Variants in MYT1L observed in about 807,000 individuals in gnomAD.
MYT1L encodes myelin transcription factor 1 like, also known as myelin transcription factor 1-like protein.
Under a neutral mutation model 126.7 loss-of-function variants are expected in MYT1L, and 12 were observed. The observed-to-expected ratio is 0.09, with a 90% CI of 0.06 to 0.15. The LOEUF (loss-of-function observed/expected upper bound fraction) is 0.15, where lower values mean the gene tolerates loss of function less well. Among genes scored for constraint, MYT1L ranks in the 10% least tolerant of loss-of-function variants. The pLI, the probability that MYT1L is intolerant of heterozygous loss-of-function variation, is 1.00. For missense variants in MYT1L, 979 were observed against 1,585.2 expected, an observed-to-expected ratio of 0.62 and a Z score of 6.49; for synonymous variants, 541 against 604.2, an observed-to-expected ratio of 0.90 and a Z score of 1.53.
At chr2:2,041,375 G>A (rs951768226) in intron 4 of MYT1L, among the ~76,000 whole-genome samples, 7 of 152,176 alleles carry the variant, frequency 4.6e-5, no homozygotes, top group Non-Finnish European at 8.8e-5. Context: ...GGAAGCTACT[G>A]GGGGAGAGAG....
intron 2 of MYT1L, among the ~76,000 whole-genome samples, chr2:2,222,507 A>C (rs11694233): frequency 2.0e-5 from 3 of 149,308 alleles, no homozygotes; most frequent in African/African-American, 7.4e-5. Context: ...AAAAAAAAAA[A>C]TTTTTTTTTG....
Position 1,922,240 on chromosome 2 carries a change from T to C in MYT1L, c.1483+46A>G. 6.3e-7 allele frequency: 1 copy of C among 1,592,284 alleles called. No individual in the cohort carries two copies. Among genetic ancestry groups the C allele is most frequent in the South Asian group, 1.2e-5 (1 of 86,504 alleles). ...AGACTACCACCAACATCCTTTACCC[T>C]AGCTCATGTTTTCATGAGGCAACTT... On this transcript the variant is annotated intron_variant, in intron 10 of 24. Transcript: ENST00000647738. This position sits in a 1 kb window ranked among gnomAD's most constrained non-coding sequence, Gnocchi z 7.4.
chr2:1,868,656 CT>C (rs926921625), intron 18 of MYT1L, among the ~76,000 whole-genome samples: 7 of 152,224 alleles, frequency 4.6e-5, no homozygotes, highest in African/African-American at 1.7e-4. Context: ...ATTCCTCAGG[CT>C]GCCTTCTCTG....
intron 2 of MYT1L, among the ~76,000 whole-genome samples, chr2:2,232,409 G>GT (rs2149070669): frequency 6.6e-6 from 1 of 152,336 alleles, no homozygotes; most frequent in South Asian, 2.1e-4. Flanking sequence ...GCTTTACTTT[G>GT]TAAGTCAGCA....
chr2:2,319,317 A>T (rs2096121127), intron 1 of MYT1L: 1 of 152,234 alleles, frequency 6.6e-6, no homozygotes, highest in Non-Finnish European at 1.5e-5. Flanking sequence ...ACTGCAGAAC[A>T]GACCCCTGAC....
rs191578832 is a variant in MYT1L, at chr2:1,849,244, C to T, written c.2774+2397G>A. Among the ~76,000 whole-genome samples, 348 of 152,072 alleles carry T rather than the reference C, an allele frequency of 2.3e-3. 2 individuals carry two copies. Among genetic ancestry groups the T allele is most frequent in the African/African-American group, 7.4e-3 (306 of 41,464 alleles). Reference sequence around the variant, plus strand: ...ACGGGGTGCTGACATTACGCCATGCCGGAAGCTCTGGCCACGTGAGAGGAC... The same window carrying T: ...ACGGGGTGCTGACATTACGCCATGCTGGAAGCTCTGGCCACGTGAGAGGAC... On this transcript the variant is annotated intron_variant, in intron 19 of 24. Coordinates refer to ENST00000647738, the MANE Select transcript of MYT1L (RefSeq NM_001303052.2).
intron 19 of MYT1L, among the ~76,000 whole-genome samples, chr2:1,846,241 C>G (rs745589403): frequency 6.6e-6 from 1 of 152,126 alleles, no homozygotes; most frequent in Non-Finnish European, 1.5e-5. Flanking sequence ...ACCTGTACCT[C>G]GAGGCTAGGA....
At chr2:2,191,140 G>T (rs187350136) in intron 2 of MYT1L, among the ~76,000 whole-genome samples, 1 of 152,194 alleles carries the variant, frequency 6.6e-6, no homozygotes, top group Non-Finnish European at 1.5e-5. Flanking sequence ...CACTGGTTAT[G>T]TGTCAGGCAG....
chr2:1,947,674 A>G (rs2057360777), intron 8 of MYT1L, among the ~76,000 whole-genome samples: 1 of 152,190 alleles, frequency 6.6e-6, no homozygotes, highest in Admixed American at 6.5e-5. Flanking sequence ...ACTCCATTAG[A>G]ACTTGCTGGG....
At chr2:2,183,886 GACAAA>G (rs1457126231) in intron 2 of MYT1L, among the ~76,000 whole-genome samples, 2 of 127,494 alleles carry the variant, frequency 1.6e-5, no homozygotes, top group Admixed American at 1.8e-4. Flanking sequence ...GAAGGAGAGA[GACAAA>G]GGAAGAAAAA....
At chr2:2,304,540 C>T (rs142893226) in intron 1 of MYT1L, among the ~76,000 whole-genome samples, 4 of 152,270 alleles carry the variant, frequency 2.6e-5, no homozygotes, top group African/African-American at 9.6e-5. Flanking sequence ...GGTAACTTTT[C>T]TTTTCTTCCT....
chr2:2,141,735 G>T (rs150072572), intron 3 of MYT1L, among the ~76,000 whole-genome samples: 6 of 152,104 alleles, frequency 3.9e-5, no homozygotes, highest in African/African-American at 1.4e-4. Context: ...TACGTCATGG[G>T]GCCAGGACAG....
chr2:1,854,900 A>G (rs1326352635), intron 18 of MYT1L, among the ~76,000 whole-genome samples: 1 of 152,118 alleles, frequency 6.6e-6, no homozygotes, highest in Admixed American at 6.5e-5. Context: ...CGTCCTCACT[A>G]GCGCCCAGAG....
In MYT1L at chr2:1,817,321, G is replaced by A. The variant is rs1403949731; in HGVS notation, c.3081-8154C>T. Among the ~76,000 whole-genome samples the A allele has an allele frequency of 2.0e-5, 3 of 152,278 alleles. No individual in the cohort carries two copies. The East Asian group carries it at 5.8e-4, about 30-fold the overall frequency. On this transcript the variant is annotated intron_variant, in intron 21 of 24. Coordinates refer to ENST00000647738, the MANE Select transcript of MYT1L (RefSeq NM_001303052.2). ...GAGGCAAGTCCCCCATGGGTGGGGG[G>A]ATAGGGGCGCCACACGGCCGGAAAC...
At chr2:2,061,351 T>G (rs1382535422) in intron 3 of MYT1L, among the ~76,000 whole-genome samples, 2 of 152,198 alleles carry the variant, frequency 1.3e-5, no homozygotes, top group East Asian at 3.9e-4. Context: ...CTGCCAGAGC[T>G]GCTGGCAAGC....
At chr2:1,938,808 G>A (rs574696993) in intron 9 of MYT1L, among the ~76,000 whole-genome samples, 21 of 152,268 alleles carry the variant, frequency 1.4e-4, no homozygotes, top group Admixed American at 5.9e-4. Context: ...ACATTATTAG[G>A]ACTATTTTGA....
chr2:2,311,142 C>G (rs2095962833), intron 1 of MYT1L, among the ~76,000 whole-genome samples: 2 of 152,074 alleles, frequency 1.3e-5, no homozygotes, highest in Admixed American at 6.5e-5. Flanking sequence ...GATTTGATTT[C>G]AAAACTACAA....
intron 4 of MYT1L, among the ~76,000 whole-genome samples, chr2:2,038,063 C>T (rs1009546842): frequency 9.9e-5 from 15 of 152,112 alleles, no homozygotes; most frequent in South Asian, 2.1e-4. Context: ...TCCATGCAGA[C>T]GTAGCATGGG....
intron 2 of MYT1L, among the ~76,000 whole-genome samples, chr2:2,186,743 A>G (rs1332285083): frequency 1.3e-5 from 2 of 152,238 alleles, no homozygotes; most frequent in Non-Finnish European, 1.5e-5. Flanking sequence ...TAATTAACAG[A>G]TTGTTATAAA....
Sources: allele counts gnomAD v4.1 joint callset (sites outside exome capture counted in the v4.1 genomes callset), GRCh38; gene constraint gnomAD v4.1.1; non-coding constraint Gnocchi (gnomAD v3.1); transcripts MANE v1.5; gene names NCBI Gene and HGNC (gene_info 2026-07-23, HGNC 2026-07-21).